The following FAF1 variants were observed in gnomAD, a reference collection of about 807,000 sequenced individuals.
FAF1 encodes FAS-associated factor 1.
A neutral mutation model predicts 92.5 loss-of-function variants in FAF1; 25 were observed. That is an observed-to-expected ratio of 0.27 (90% CI 0.20 to 0.38). The LOEUF (loss-of-function observed/expected upper bound fraction) is 0.38. FAF1 is among the 10% of genes least tolerant of loss of function. FAF1 has a pLI of 1.00. For missense variants in FAF1, 636 were observed against 793.3 expected, an observed-to-expected ratio of 0.80 and a Z score of 2.38; for synonymous variants, 234 against 273.2, an observed-to-expected ratio of 0.86 and a Z score of 1.42.
chr1:50,671,972 TTTTTTTGTAGAGAAAA>T (rs1655901902), intron 7 of FAF1, among the ~76,000 whole-genome samples: 1 of 151,542 alleles, frequency 6.6e-6, no homozygotes, highest in Non-Finnish European at 1.5e-5. Context: ...TTTTTACATA[TTTTTTTGTAGAGAAAA>T]GGTCTCACTA....
chr1:50,846,469 A>G (rs1011385580), intron 2 of FAF1: 2 of 469,402 alleles, frequency 4.3e-6, no homozygotes, highest in Non-Finnish European at 8.4e-6. Flanking sequence ...GCCTCCAGGC[A>G]TGCCCCGCTA....
chr1:50,904,103 C>T (rs911211603), intron 1 of FAF1, among the ~76,000 whole-genome samples: 4 of 151,974 alleles, frequency 2.6e-5, no homozygotes, highest in Non-Finnish European at 5.9e-5. Context: ...TCACAATAAC[C>T]GAAAGGTGGA....
chr1:50,648,487 C>G (rs56001578), intron 8 of FAF1, among the ~76,000 whole-genome samples: 1 of 152,008 alleles, frequency 6.6e-6, no homozygotes, highest in African/African-American at 2.4e-5. Flanking sequence ...TTACTCAGAG[C>G]CTGTATGGGA....
intron 15 of FAF1, among the ~76,000 whole-genome samples, chr1:50,524,072 T>C (rs1647656903): frequency 6.6e-6 from 1 of 152,206 alleles, no homozygotes; most frequent in Admixed American, 6.5e-5. Context: ...TTTTTGACTT[T>C]TTAATAATAG....
At chr1:50,612,256 T>C (rs2124140816) in intron 8 of FAF1, 1 of 599,688 alleles carries the variant, frequency 1.7e-6, no homozygotes, top group South Asian at 2.1e-5. Flanking sequence ...ACAAGCCCTT[T>C]GCCTTATTCT....
chr1:50,682,094 C>CCTCCTCG (rs1269865694), intron 7 of FAF1, among the ~76,000 whole-genome samples: 1 of 151,980 alleles, frequency 6.6e-6, no homozygotes, highest in African/African-American at 2.4e-5. Context: ...TTTGGCCTCC[C>CCTCCTCG]AAAGTGAAGG....
chr1:50,501,298 T>C (rs1646981034), intron 15 of FAF1, among the ~76,000 whole-genome samples: 1 of 152,154 alleles, frequency 6.6e-6, no homozygotes, highest in Admixed American at 6.5e-5. Flanking sequence ...TGCTGTCTCA[T>C]TAATCGTCAA....
intron 1 of FAF1, among the ~76,000 whole-genome samples, chr1:50,927,083 GTT>G (rs1645011769): frequency 6.6e-6 from 1 of 152,150 alleles, no homozygotes; most frequent in Non-Finnish European, 1.5e-5. Flanking sequence ...GGAATGGGGA[GTT>G]AATGTTTAGA....
rs1557966782 is a variant in FAF1, at chr1:50,490,462, A to AGG, written c.1653+125_1653+126insCC. The stretch of plus-strand genomic sequence containing the variant: ...AAGGAAGGAAGGAAGGAAGGAAGGA[A>AGG]AAAGAAAGAAGGAAGGAAGGAAGGA... On this transcript the variant is annotated intron_variant, in intron 17 of 18. Coordinates refer to ENST00000396153, the MANE Select transcript of FAF1 (RefSeq NM_007051.3). The AGG allele has an allele frequency of 4.8e-3, 2,750 of 568,184 alleles. 43 individuals carry two copies. Among genetic ancestry groups the AGG allele is most frequent in the Non-Finnish European group, 5.8e-3 (1,866 of 319,812 alleles). 35.2% of individuals were successfully genotyped at this position (568,184 alleles called of 1,614,324 possible).
rs1655064382 is a variant in FAF1, at chr1:50,655,455, G to T, written c.731C>A (p.Ala244Asp). 2 of 1,612,424 alleles carry T rather than the reference G, an allele frequency of 1.2e-6. No individual in the cohort carries two copies. The change falls in exon 8 of 19, where the codon GCT becomes GAT. Residue 244 changes from alanine to aspartate, a missense_variant. Physicochemically the swap from Ala to Asp is moderately radical, Grantham distance 126 (BLOSUM62 -2). This residue lies in a region of FAF1 where 317 missense variants were observed against 342.4 expected (regional missense o/e 0.93). Transcript: ENST00000396153. The part of the protein sequence containing the change: ...HQLWEGWPTS[A>D]TDDSMCLAES... ...ACTGTCACTTACTGAGTCGTCTGTAGCAGAAGTTGGCCAGCCCTCCCATAA... is the reference window on the plus strand; with the variant it reads ...ACTGTCACTTACTGAGTCGTCTGTATCAGAAGTTGGCCAGCCCTCCCATAA...
At chr1:50,672,109 G>A (rs902873802) in intron 7 of FAF1, among the ~76,000 whole-genome samples, 1 of 151,340 alleles carries the variant, frequency 6.6e-6, no homozygotes, top group Non-Finnish European at 1.5e-5. Context: ...ACAGTGGCGC[G>A]ATCTCAGCTC....
At chr1:50,667,917 G>A (rs1655704999) in intron 7 of FAF1, among the ~76,000 whole-genome samples, 1 of 152,134 alleles carries the variant, frequency 6.6e-6, no homozygotes, top group South Asian at 2.1e-4. Flanking sequence ...GTAGCACCAC[G>A]CTGATGCTCA....
chr1:50,568,581 C>A (rs1650276981), intron 12 of FAF1, among the ~76,000 whole-genome samples: 1 of 152,130 alleles, frequency 6.6e-6, no homozygotes, highest in African/African-American at 2.4e-5. Context: ...ACTTTCACAA[C>A]CATTATCTAC....
At chr1:50,535,595 T>C in intron 14 of FAF1, 138 bp from the exon 15 acceptor site, 1 of 544,162 alleles carries the variant, frequency 1.8e-6, no homozygotes, top group Non-Finnish European at 3.2e-6. Context: ...ACAGTTAAAA[T>C]ACTTTTGTGG....
intron 1 of FAF1, among the ~76,000 whole-genome samples, chr1:50,866,736 T>A (rs75685970): frequency 7.2e-4 from 110 of 152,184 alleles, no homozygotes; most frequent in Non-Finnish European, 1.3e-3. Context: ...ATGGGTAGAA[T>A]CAATACTAGA....
At chr1:50,501,944 A>G (rs1183444916) in intron 15 of FAF1, among the ~76,000 whole-genome samples, 3 of 152,196 alleles carry the variant, frequency 2.0e-5, no homozygotes, top group African/African-American at 7.2e-5. Context: ...ATAGCCAAAA[A>G]CTAGGAAATA....
chr1:50,637,672 C>T (rs555476707), intron 8 of FAF1, among the ~76,000 whole-genome samples: 14 of 141,170 alleles, frequency 9.9e-5, no homozygotes, highest in Admixed American at 3.5e-4. Flanking sequence ...GTGGCTCACA[C>T]ATATATATAT....
chr1:50,539,878 C>T (rs958770181), intron 13 of FAF1, 150 bp from the exon 14 acceptor site: 5 of 610,574 alleles, frequency 8.2e-6, no homozygotes, highest in South Asian at 2.1e-5. Context: ...ATTGAGTTTT[C>T]AAACATATCT....
At chr1:50,856,166 C>T (rs763971023) in intron 2 of FAF1, among the ~76,000 whole-genome samples, 1 of 151,714 alleles carries the variant, frequency 6.6e-6, no homozygotes, top group South Asian at 2.1e-4. Flanking sequence ...CCATTAAAGA[C>T]TTGTACTCCC....
Sources: gnomAD v4.1 joint callset for allele counts (sites outside exome capture counted in the v4.1 genomes callset) on GRCh38, gnomAD v4.1.1 for gene constraint, gnomAD v4.1.1 regional missense constraint, MANE v1.5 for transcripts, NCBI Gene and HGNC (gene_info 2026-07-23, HGNC 2026-07-21) for gene names.